GABRG1: variants seen among roughly 807,000 people sequenced by gnomAD.
The protein encoded by GABRG1 is gamma-aminobutyric acid receptor subunit gamma-1.
Under a neutral mutation model 49.8 loss-of-function variants are expected in GABRG1, and 49 were observed. The ratio of observed to expected loss-of-function variants is 0.98; its 90% confidence interval spans 0.78 to 1.25. The LOEUF (loss-of-function observed/expected upper bound fraction) is 1.25, where lower values mean the gene tolerates loss of function less well. Among genes scored for constraint, GABRG1 ranks in the 50% most tolerant of loss-of-function variants. GABRG1 has a pLI of 0.00. For synonymous variants in GABRG1, 232 were observed against 185.1 expected (o/e 1.25, Z -2.06); for missense variants, 552 against 552.3 (o/e 1.00, Z 0.01).
At chr4:46,067,116 G>GA (rs894605991) in intron 3 of GABRG1, among the ~76,000 whole-genome samples, 46 of 150,000 alleles carry the variant, frequency 3.1e-4, no homozygotes, top group Middle Eastern at 3.4e-3. Flanking sequence ...ATGAAAAATG[G>GA]AAAAAAAAAT....
At chr4:46,098,194 A>T (rs1720247311) in intron 1 of GABRG1, among the ~76,000 whole-genome samples, 1 of 151,746 alleles carries the variant, frequency 6.6e-6, no homozygotes, top group Admixed American at 6.6e-5. Context: ...GATTCAGCTG[A>T]CTTCTGAATT....
intron 1 of GABRG1, among the ~76,000 whole-genome samples, chr4:46,111,185 G>C (rs183283982): frequency 1.2e-3 from 181 of 151,134 alleles, no homozygotes; most frequent in Non-Finnish European, 2.2e-3. Context: ...AAACTCAGTA[G>C]AATTTCTATA....
At chr4:46,116,252 G>A (rs928310784) in intron 1 of GABRG1, among the ~76,000 whole-genome samples, 5 of 150,770 alleles carry the variant, frequency 3.3e-5, no homozygotes, top group Admixed American at 1.3e-4. Flanking sequence ...TTTGGAGTAA[G>A]AGAAAGAAAA....
At chr4:46,116,877 C>T (rs1382496902) in intron 1 of GABRG1, among the ~76,000 whole-genome samples, 2 of 150,636 alleles carry the variant, frequency 1.3e-5, no homozygotes, top group East Asian at 2.0e-4. Context: ...GCCAACAGGG[C>T]TACTCAGTGC....
intron 5 of GABRG1, among the ~76,000 whole-genome samples, chr4:46,063,244 C>A (rs1330212263): frequency 2.0e-5 from 3 of 152,040 alleles, no homozygotes; most frequent in African/African-American, 7.2e-5. Flanking sequence ...AAGCTGGAGG[C>A]ATCACGCTAC....
intron 7 of GABRG1, among the ~76,000 whole-genome samples, chr4:46,056,124 G>GAAAAAAA (rs1169065450): frequency 1.3e-4 from 1 of 7,648 alleles, no homozygotes; most frequent in Non-Finnish European, 2.1e-4. Context: ...AAAAAGAAAG[G>GAAAAAAA]AAAAAAAAAA....
chr4:46,110,872 G>A (rs1392242849), intron 1 of GABRG1, among the ~76,000 whole-genome samples: 1 of 150,998 alleles, frequency 6.6e-6, no homozygotes, highest in African/African-American at 2.4e-5. Flanking sequence ...AGTCATCTAT[G>A]ACAAATCACA....
chr4:46,053,773 C>T (rs1279574283), intron 7 of GABRG1, among the ~76,000 whole-genome samples: 2 of 151,878 alleles, frequency 1.3e-5, no homozygotes, highest in Non-Finnish European at 2.9e-5. Context: ...AAAAACTAAG[C>T]AGAACTTTGC....
At chr4:46,083,538 T>C (rs1196425702) in intron 3 of GABRG1, among the ~76,000 whole-genome samples, 1 of 151,776 alleles carries the variant, frequency 6.6e-6, no homozygotes, top group Non-Finnish European at 1.5e-5. Flanking sequence ...CTCAATTCCT[T>C]ACTTTACACT....
chr4:46,046,043 T>C (rs1295951379), intron 8 of GABRG1, among the ~76,000 whole-genome samples: 1 of 152,104 alleles, frequency 6.6e-6, no homozygotes, highest in Non-Finnish European at 1.5e-5. Context: ...GGTTACAATG[T>C]AGTTGATTCT....
chr4:46,094,939 G>A (rs959518487), intron 2 of GABRG1, among the ~76,000 whole-genome samples: 2 of 151,552 alleles, frequency 1.3e-5, no homozygotes, highest in Non-Finnish European at 1.5e-5. Context: ...ATAAGCAGAA[G>A]AAACTGTAAG....
intron 5 of GABRG1, among the ~76,000 whole-genome samples, chr4:46,060,496 G>T (rs187662467): frequency 6.6e-6 from 1 of 152,164 alleles, no homozygotes; most frequent in East Asian, 1.9e-4. Flanking sequence ...TAGCTAAAAA[G>T]TTCTTTCTAC....
intron 3 of GABRG1, among the ~76,000 whole-genome samples, chr4:46,069,395 C>A (rs754081851): frequency 2.6e-5 from 4 of 151,890 alleles, no homozygotes; most frequent in Admixed American, 6.6e-5. Context: ...CAATTAAATA[C>A]CTTTAGTGGT....
chr4:46,077,916 A>G (rs1037047054), intron 3 of GABRG1, among the ~76,000 whole-genome samples: 1 of 151,784 alleles, frequency 6.6e-6, no homozygotes, highest in African/African-American at 2.4e-5. Context: ...CTTTCACTTC[A>G]TATTTATAGA....
At chr4:46,053,987 C>CACATTT (rs1362205179) in intron 7 of GABRG1, among the ~76,000 whole-genome samples, 25 of 108,890 alleles carry the variant, frequency 2.3e-4, no homozygotes, top group Non-Finnish European at 2.7e-4. Flanking sequence ...AGTCTCCCAT[C>CACATTT]GTTTAAATCT....
chr4:46,122,397 T>C (rs1721113448), intron 1 of GABRG1, among the ~76,000 whole-genome samples: 1 of 152,098 alleles, frequency 6.6e-6, no homozygotes, highest in Non-Finnish European at 1.5e-5. Flanking sequence ...TGTATGTGTA[T>C]ACCTAAATAT....
intron 8 of GABRG1, among the ~76,000 whole-genome samples, chr4:46,045,095 T>TAA: frequency 1.3e-5 from 2 of 152,022 alleles, no homozygotes. Flanking sequence ...AGTTTTGAGG[T>TAA]AAGTGAACAA....
At position 46,058,635 on chromosome 4, in the gene GABRG1, A is replaced by G. The variant is rs199600304; in HGVS notation, c.626-13T>C. The G allele has an allele frequency of 1.2e-6, 2 of 1,603,848 alleles. No individual in the cohort carries two copies. Among genetic ancestry groups the G allele is most frequent in the African/African-American group, 1.3e-5 (1 of 74,664 alleles). ...TTAGGGTATCCATCTATAGAGAAAA[A>G]ATACATAGATTAGCAAGATCCAAAT... On this transcript the variant is annotated splice_polypyrimidine_tract_variant and intron_variant, in intron 5 of 8. Coordinates refer to ENST00000295452, the MANE Select transcript of GABRG1 (RefSeq NM_173536.4).
chr4:46,041,343 T>C (rs1717776089), intron 8 of GABRG1, 89 bp from the exon 9 acceptor site: 1 of 1,086,268 alleles, frequency 9.2e-7, no homozygotes, highest in African/African-American at 1.6e-5. Flanking sequence ...TCTAGGAGAC[T>C]GACAGGTAAT....
Sources: gnomAD v4.1 joint callset for allele counts (sites outside exome capture counted in the v4.1 genomes callset) on GRCh38, gnomAD v4.1.1 for gene constraint, MANE v1.5 for transcripts, NCBI Gene and HGNC (gene_info 2026-07-23, HGNC 2026-07-21) for gene names.